PADI1: variants seen among roughly 807,000 people sequenced by gnomAD.
PADI1 encodes the protein peptidyl arginine deiminase 1, also known as protein-arginine deiminase type-1.
In PADI1, 65 loss-of-function variants were observed where a neutral mutation model predicts 74.8. That is an observed-to-expected ratio of 0.87 (90% CI 0.71 to 1.07). PADI1 has a LOEUF of 1.07. Ranked by LOEUF, PADI1 falls within the 50% of genes least tolerant of loss-of-function variation. PADI1 has a pLI of 0.00. For missense variants in PADI1, 943 were observed against 854.0 expected, an observed-to-expected ratio of 1.10 and a Z score of -1.30; for synonymous variants, 371 against 336.2, an observed-to-expected ratio of 1.10 and a Z score of -1.13.
chr1:17,237,468 C>CTTTGG lies in PADI1; in HGVS notation c.1458+11_1458+12insTTGGT. 2 of 1,602,082 alleles carry CTTTGG rather than the reference C, an allele frequency of 1.2e-6. No individual in the cohort carries two copies. Among genetic ancestry groups the CTTTGG allele is most frequent in the Non-Finnish European group, 1.7e-6 (2 of 1,173,722 alleles). On this transcript the variant is annotated intron_variant, in intron 12 of 15. Coordinates refer to ENST00000375471, the MANE Select transcript of PADI1 (RefSeq NM_013358.3). ...TACCTCTGACCAAAAGGTGCGTCCC[C>CTTTGG]TCCTTCCCTGCCTGAGCCACCTCTG...
intron 15 of PADI1, 56 bp downstream of exon 15, chr1:17,240,816 C>T (rs563714321): frequency 1.9e-6 from 3 of 1,585,152 alleles, no homozygotes; most frequent in Middle Eastern, 1.7e-4. Flanking sequence ...TGAGAAGAAG[C>T]ACTCCCTGGC....
At chr1:17,221,792 G>A (rs562407498) in intron 1 of PADI1, among the ~76,000 whole-genome samples, 22 of 152,302 alleles carry the variant, frequency 1.4e-4, no homozygotes, top group African/African-American at 4.6e-4. Context: ...AGGTGGCAGG[G>A]GCGCATCAGA....
chr1:17,212,128 C>G (rs993338897), intron 1 of PADI1, among the ~76,000 whole-genome samples: 1 of 152,214 alleles, frequency 6.6e-6, no homozygotes, highest in African/African-American at 2.4e-5. Flanking sequence ...GGACTATCAG[C>G]CTCCAGGCAG....
intron 15 of PADI1, among the ~76,000 whole-genome samples, chr1:17,242,619 G>C (rs949109677): frequency 6.6e-6 from 1 of 152,206 alleles, no homozygotes; most frequent in Non-Finnish European, 1.5e-5. Flanking sequence ...TCCAGGCTCT[G>C]CTGAAGGATC....
At chr1:17,229,592 G>T (rs11203336) in intron 8 of PADI1, among the ~76,000 whole-genome samples, 60,766 of 152,062 alleles carry the variant, frequency 0.4, 14,721 homozygotes, top group African/African-American at 0.68. Flanking sequence ...AAAAGCCACA[G>T]TTGAGCTGGT....
chr1:17,217,733 G>T (rs533340968), intron 1 of PADI1, among the ~76,000 whole-genome samples: 5 of 152,150 alleles, frequency 3.3e-5, no homozygotes, highest in African/African-American at 1.2e-4. Flanking sequence ...AATGATGTTG[G>T]GCTGGTAACT....
chr1:17,223,573 C>A, intron 2 of PADI1, 48 bp from the exon 3 acceptor site: 1 of 1,486,096 alleles, frequency 6.7e-7, no homozygotes. Context: ...TCTGCCTCCG[C>A]CATCTCTGAA....
intron 11 of PADI1, among the ~76,000 whole-genome samples, chr1:17,235,449 G>A (rs79179503): frequency 0.071 from 10,808 of 152,184 alleles, 509 homozygotes; most frequent in Non-Finnish European, 0.11. Flanking sequence ...GGGATGGACC[G>A]GTAGGACCTC....
chr1:17,222,756 C>T (rs2072193588), intron 2 of PADI1, among the ~76,000 whole-genome samples: 1 of 152,218 alleles, frequency 6.6e-6, no homozygotes, highest in Non-Finnish European at 1.5e-5. Flanking sequence ...ACATTAATCC[C>T]TGTATTCAGC....
chr1:17,211,546 G>A (rs2071834885), intron 1 of PADI1, among the ~76,000 whole-genome samples: 1 of 152,188 alleles, frequency 6.6e-6, no homozygotes, highest in African/African-American at 2.4e-5. Flanking sequence ...ATCCCCATTT[G>A]CAGACACGCG....
At chr1:17,243,738 A>G (rs2072823027) in intron 15 of PADI1, among the ~76,000 whole-genome samples, 1 of 152,080 alleles carries the variant, frequency 6.6e-6, no homozygotes, top group Non-Finnish European at 1.5e-5. Context: ...AGAGTGGGAG[A>G]AGTTTTTTTT....
chr1:17,244,473 C>T lies in PADI1; in HGVS notation c.*230C>T. Reference sequence around the variant, plus strand: ...CCTCATTCTTCCCTGGCCTCTTTCCCACCCACAGCCCCCAGAGGCTCTAGA... The same window carrying T: ...CCTCATTCTTCCCTGGCCTCTTTCCTACCCACAGCCCCCAGAGGCTCTAGA... On this transcript the variant is annotated 3_prime_UTR_variant, in exon 16 of 16. Coordinates refer to ENST00000375471, the MANE Select transcript of PADI1 (RefSeq NM_013358.3). The T allele has an allele frequency of 1.6e-6, 1 of 635,968 alleles. No individual in the cohort carries two copies. The highest frequency in any genetic ancestry group is 1.5e-5 in the South Asian group (1 of 66,160). The allele number at this position is 635,968 out of a possible 1,614,324, so 39.4% of individuals were successfully genotyped here.
chr1:17,215,279 G>A (rs2100416985), intron 1 of PADI1, among the ~76,000 whole-genome samples: 1 of 152,286 alleles, frequency 6.6e-6, no homozygotes, highest in South Asian at 2.1e-4. Context: ...GCAAGTTTGG[G>A]GTGGGGAGGG....
In PADI1 at chr1:17,245,438, T is replaced by C. The variant is rs976130724; in HGVS notation, c.*1195T>C. 3 of 152,564 alleles carry C rather than the reference T, an allele frequency of 2.0e-5. No individual in the cohort carries two copies. Among genetic ancestry groups the C allele is most frequent in the African/African-American group, 4.8e-5 (2 of 41,408 alleles). 9.5% of individuals were successfully genotyped at this position (152,564 alleles called of 1,614,324 possible). ...ACTGAGACATGCACAGGCAGGCTGG[T>C]TCAGCTGGGCTGCAGGGCACGGGCA... On this transcript the variant is annotated 3_prime_UTR_variant, in exon 16 of 16. Coordinates refer to ENST00000375471, the MANE Select transcript of PADI1 (RefSeq NM_013358.3). The surrounding 1 kb of genome is among the most constrained non-coding windows in gnomAD (Gnocchi z 4.1).
At chr1:17,216,730 C>T (rs1227138912) in intron 1 of PADI1, among the ~76,000 whole-genome samples, 5 of 151,812 alleles carry the variant, frequency 3.3e-5, no homozygotes, top group East Asian at 1.9e-4. Context: ...AATTAGCTGG[C>T]GTGGTGGTGA....
intron 1 of PADI1, among the ~76,000 whole-genome samples, chr1:17,212,146 G>A (rs2071849281): frequency 6.6e-6 from 1 of 152,160 alleles, no homozygotes; most frequent in African/African-American, 2.4e-5. Flanking sequence ...CAGATCCCTG[G>A]CTCCAGGCAG....
intron 8 of PADI1, among the ~76,000 whole-genome samples, 182 bp downstream of exon 8, chr1:17,229,233 C>A (rs2072418148): frequency 6.6e-6 from 1 of 152,158 alleles, no homozygotes. Flanking sequence ...CCCTGACCCA[C>A]CCTGCCCTGT....
At chr1:17,214,085 G>C (rs558320808) in intron 1 of PADI1, among the ~76,000 whole-genome samples, 1 of 152,318 alleles carries the variant, frequency 6.6e-6, no homozygotes, top group African/African-American at 2.4e-5. Context: ...GGAGTGAGTT[G>C]GGCTGTCTGG....
At chr1:17,221,384 G>T (rs374092554) in intron 1 of PADI1, among the ~76,000 whole-genome samples, 1 of 151,506 alleles carries the variant, frequency 6.6e-6, no homozygotes, top group African/African-American at 2.4e-5. Flanking sequence ...TGGGAGAATC[G>T]CTTGAACCTG....
Sources: allele counts gnomAD v4.1 joint callset (sites outside exome capture counted in the v4.1 genomes callset), GRCh38; gene constraint gnomAD v4.1.1; non-coding constraint Gnocchi (gnomAD v3.1); transcripts MANE v1.5; gene names NCBI Gene and HGNC (gene_info 2026-07-23, HGNC 2026-07-21).